The following CSGALNACT1 variants were observed in gnomAD, a reference collection of about 807,000 sequenced individuals.
CSGALNACT1 encodes the protein chondroitin sulfate N-acetylgalactosaminyltransferase 1, also known as beta4GalNAcT-1.
In CSGALNACT1, 52 loss-of-function variants were observed where a neutral mutation model predicts 51.0. The observed-to-expected ratio is 1.02, with a 90% CI of 0.82 to 1.29. The LOEUF (loss-of-function observed/expected upper bound fraction) is 1.29. CSGALNACT1 is among the 50% of genes most tolerant of loss of function. The pLI, the probability that CSGALNACT1 is intolerant of heterozygous loss-of-function variation, is 0.00. For missense variants in CSGALNACT1, 935 were observed against 679.2 expected, an observed-to-expected ratio of 1.38 and a Z score of -4.19; for synonymous variants, 341 against 254.4, an observed-to-expected ratio of 1.34 and a Z score of -3.24.
intron 1 of CSGALNACT1, among the ~76,000 whole-genome samples, chr8:19,690,232 G>A (rs1286190097): frequency 6.6e-6 from 1 of 152,194 alleles, no homozygotes; most frequent in African/African-American, 2.4e-5. Context: ...AGTAACAGAA[G>A]ATATAATTTT....
chr8:19,608,232 C>T (rs2051678032), intron 1 of CSGALNACT1, among the ~76,000 whole-genome samples: 1 of 152,156 alleles, frequency 6.6e-6, no homozygotes, highest in South Asian at 2.1e-4. Flanking sequence ...TGCATGATCC[C>T]AGGCAACAGG....
At chr8:19,486,660 A>G (rs1166531685) in intron 4 of CSGALNACT1, among the ~76,000 whole-genome samples, 1 of 151,980 alleles carries the variant, frequency 6.6e-6, no homozygotes. Context: ...TCACCTACTC[A>G]ATGAGACCTA....
At chr8:19,528,052 G>A (rs1193165830) in intron 3 of CSGALNACT1, among the ~76,000 whole-genome samples, 1 of 152,136 alleles carries the variant, frequency 6.6e-6, no homozygotes, top group African/African-American at 2.4e-5. Flanking sequence ...CAAAGCAGCT[G>A]GAGAAGGAAC....
At chr8:19,651,914 T>G (rs1367026873) in intron 1 of CSGALNACT1, among the ~76,000 whole-genome samples, 8 of 103,230 alleles carry the variant, frequency 7.7e-5, no homozygotes, top group Non-Finnish European at 4.4e-5. Context: ...CCTCGCTGTC[T>G]GTTTTTTTTT....
chr8:19,505,668 C>G, exon 4 of CSGALNACT1: 1 of 1,614,140 alleles, frequency 6.2e-7, no homozygotes, highest in Non-Finnish European at 8.5e-7. Flanking sequence ...GGCCTGGTAC[C>G]CCTCCTTCCC....
chr8:19,486,540 C>T (rs2072985395), intron 4 of CSGALNACT1, among the ~76,000 whole-genome samples: 1 of 152,152 alleles, frequency 6.6e-6, no homozygotes, highest in South Asian at 2.1e-4. Context: ...CCCCTCGAAG[C>T]ATTCCTGCCC....
At chr8:19,574,838 C>T (rs186224764) in intron 3 of CSGALNACT1, among the ~76,000 whole-genome samples, 11 of 152,222 alleles carry the variant, frequency 7.2e-5, no homozygotes, top group Non-Finnish European at 4.4e-5. Context: ...AGATCAAGAC[C>T]ACCCTGGCCC....
chr8:19,432,664 A>G (rs1348339869), intron 6 of CSGALNACT1, among the ~76,000 whole-genome samples: 2 of 152,068 alleles, frequency 1.3e-5, no homozygotes, highest in East Asian at 3.9e-4. Flanking sequence ...CTTATCTTGA[A>G]GTTTGCCAAT....
At chr8:19,490,385 G>A (rs2074096099) in intron 4 of CSGALNACT1, among the ~76,000 whole-genome samples, 1 of 152,260 alleles carries the variant, frequency 6.6e-6, no homozygotes, top group Non-Finnish European at 1.5e-5. Flanking sequence ...TTCATCAAGG[G>A]AAGGAAGAAG....
intron 4 of CSGALNACT1, among the ~76,000 whole-genome samples, chr8:19,461,742 GCGGC>G (rs1185861812): frequency 2.0e-5 from 3 of 151,396 alleles, no homozygotes; most frequent in African/African-American, 7.3e-5. Flanking sequence ...TATCCGCACA[GCGGC>G]CACATTCACC....
intron 1 of CSGALNACT1, among the ~76,000 whole-genome samples, chr8:19,616,954 A>G (rs1426786328): frequency 6.6e-6 from 1 of 152,230 alleles, no homozygotes; most frequent in African/African-American, 2.4e-5. Flanking sequence ...CATTTCACGT[A>G]CTGTGCACTT....
At chr8:19,632,577 C>G (rs2055422522) in intron 1 of CSGALNACT1, among the ~76,000 whole-genome samples, 1 of 152,230 alleles carries the variant, frequency 6.6e-6, no homozygotes, top group Non-Finnish European at 1.5e-5. Context: ...CTGTTCTTAA[C>G]CCGCAGCTAT....
At chr8:19,542,050 T>G (rs557265391) in intron 3 of CSGALNACT1, among the ~76,000 whole-genome samples, 1 of 152,290 alleles carries the variant, frequency 6.6e-6, no homozygotes, top group East Asian at 1.9e-4. Context: ...ATAAAAAATA[T>G]TCTCTAACCA....
chr8:19,444,711 A>G (rs2061847469), intron 5 of CSGALNACT1, among the ~76,000 whole-genome samples: 1 of 152,206 alleles, frequency 6.6e-6, no homozygotes, highest in Non-Finnish European at 1.5e-5. Flanking sequence ...GCTGGGATAA[A>G]TCCACAGCAA....
chr8:19,677,413 G>C (rs1022654743), intron 1 of CSGALNACT1, among the ~76,000 whole-genome samples: 8 of 152,162 alleles, frequency 5.3e-5, no homozygotes, highest in Non-Finnish European at 8.8e-5. Flanking sequence ...GCCCAGCCGC[G>C]AGTACATTTT....
chr8:19,418,601 T>C, intron 8 of CSGALNACT1, 55 bp downstream of exon 7: 2 of 1,139,150 alleles, frequency 1.8e-6, no homozygotes, highest in Non-Finnish European at 2.7e-6. Context: ...GTACCCCTGG[T>C]AATGACAGAC....
chr8:19,450,113 A>G (rs1383659767), intron 5 of CSGALNACT1, among the ~76,000 whole-genome samples: 1 of 88,170 alleles, frequency 1.1e-5, no homozygotes, highest in African/African-American at 4.4e-5. Flanking sequence ...GAAGGGGAAG[A>G]GGAGGGAGAA....
chr8:19,721,897 A>T (rs9650598), intron 1 of CSGALNACT1, among the ~76,000 whole-genome samples: 113,381 of 152,090 alleles, frequency 0.75, 42,685 homozygotes, highest in African/African-American at 0.84. Flanking sequence ...TTAATTGCTA[A>T]AAAAACAAAT....
Position 19,616,257 on chromosome 8 carries a change from A to T in CSGALNACT1, c.-543-14392T>A, listed in dbSNP as rs1375465742. Among the ~76,000 whole-genome samples, 3 of 152,332 alleles carry T rather than the reference A, an allele frequency of 2.0e-5. No homozygotes were observed. The East Asian group carries it at 5.8e-4, about 29-fold the overall frequency. On this transcript the variant is annotated intron_variant, in intron 1 of 9. Coordinates refer to the CSGALNACT1 transcript ENST00000332246. ...AGATCTTTAGTTATTTCTTTATGCT[A>T]CTTGTTGCTATTTTTAAATAAGAGA...
Sources: gnomAD v4.1 joint callset for allele counts (sites outside exome capture counted in the v4.1 genomes callset) on GRCh38, gnomAD v4.1.1 for gene constraint, MANE v1.5 for transcripts, NCBI Gene and HGNC (gene_info 2026-07-23, HGNC 2026-07-21) for gene names.